ALS2CL: variants seen among roughly 807,000 people sequenced by gnomAD.
ALS2CL encodes the protein ALS2 C-terminal like, also known as ALS2 C-terminal-like protein.
Under a neutral mutation model 127.9 loss-of-function variants are expected in ALS2CL, and 112 were observed. That is an observed-to-expected ratio of 0.88 (90% CI 0.75 to 1.02). ALS2CL has a LOEUF of 1.02. Among genes scored for constraint, ALS2CL ranks in the 50% least tolerant of loss-of-function variants. The pLI is 0.00. For missense variants in ALS2CL, 1,174 were observed against 1,236.7 expected (o/e 0.95, Z 0.76); for synonymous variants, 519 against 527.6 (o/e 0.98, Z 0.22).
At chr3:46,685,448 C>T (rs572586660) in intron 7 of ALS2CL, 77 bp downstream of exon 7, 1 of 1,577,490 alleles carries the variant, frequency 6.3e-7, no homozygotes, top group South Asian at 1.1e-5. Context: ...AGCAGCATGC[C>T]CCTTTACTGC....
intron 22 of ALS2CL, among the ~76,000 whole-genome samples, chr3:46,672,405 A>G (rs1698477035): frequency 6.6e-6 from 1 of 152,188 alleles, no homozygotes; most frequent in African/African-American, 2.4e-5. Context: ...AACGGGGTGA[A>G]TAGTCTCCAT....
intron 15 of ALS2CL, 87 bp downstream of exon 15, chr3:46,679,123 G>T (rs768291143): frequency 1.6e-5 from 22 of 1,372,188 alleles, no homozygotes; most frequent in Non-Finnish European, 2.2e-5. Flanking sequence ...TCCCCTACCT[G>T]CCCCCAGCCC....
chr3:46,675,850 G>A, intron 19 of ALS2CL, 164 bp from the exon 20 acceptor site: 1 of 1,458,132 alleles, frequency 6.9e-7, no homozygotes, highest in South Asian at 1.4e-5. Flanking sequence ...GGAGCTCCAG[G>A]ATGTTAGCCT....
At position 46,676,713 on chromosome 3, in the gene ALS2CL, T is replaced by C. The variant is rs1208599009; in HGVS notation, c.1957A>G (p.Ser653Gly). 1 of 1,613,616 alleles carries C rather than the reference T, an allele frequency of 6.2e-7. No individual in the cohort carries two copies. Among genetic ancestry groups the C allele is most frequent in the East Asian group, 2.2e-5 (1 of 44,862 alleles). ...AGCTCCTCCAGGATGTCTTCCATACTGCCCACACTGTCCTCAGGGTGGGTC... is the reference window on the plus strand; with the variant it reads ...AGCTCCTCCAGGATGTCTTCCATACCGCCCACACTGTCCTCAGGGTGGGTC... ...ERTHPEDSVG[S>G]MEDILEELLQ... The change falls in exon 18 of 26, where the codon AGT becomes GGT. Residue 653 changes from serine (S) to glycine (G), a missense_variant. Transcript: ENST00000318962.
At chr3:46,679,692 C>A in intron 14 of ALS2CL, 1 of 160,452 alleles carries the variant, frequency 6.2e-6, no homozygotes. Context: ...GAAAGGGTTA[C>A]AATTAGTGTT....
At chr3:46,683,367 T>A (rs539220449) in intron 9 of ALS2CL, 41 bp from the exon 10 acceptor site, 5 of 1,546,640 alleles carry the variant, frequency 3.2e-6, no homozygotes, top group Non-Finnish European at 4.4e-6. Context: ...TCACTGCTGC[T>A]GGAGGCTTTC....
At chr3:46,678,151 G>A in intron 16 of ALS2CL, 108 bp downstream of exon 16, 2 of 1,255,362 alleles carry the variant, frequency 1.6e-6, no homozygotes, top group Non-Finnish European at 2.1e-6. Context: ...TCTCTAGAGG[G>A]CTAAGAGGTG....
At chr3:46,676,116 G>A in intron 19 of ALS2CL, 129 bp downstream of exon 19, 3 of 1,447,264 alleles carry the variant, frequency 2.1e-6, no homozygotes, top group Non-Finnish European at 2.8e-6. Context: ...GCTGCACACT[G>A]ACCAAGCCTC....
At chr3:46,675,328 G>C (rs536207793) in intron 20 of ALS2CL, 4 of 392,682 alleles carry the variant, frequency 1.0e-5, no homozygotes, top group East Asian at 4.8e-5. Flanking sequence ...GGGAGAGGAG[G>C]GTGCCTCGGG....
chr3:46,680,189 T>C, intron 14 of ALS2CL: 3 of 537,078 alleles, frequency 5.6e-6, no homozygotes, highest in Non-Finnish European at 1.0e-5. Flanking sequence ...ATTGAGTCTA[T>C]GGTAAGTATT....
chr3:46,678,298 G>A lies in ALS2CL; in HGVS notation c.1718C>T (p.Thr573Met), dbSNP rs757762540. Residue 573 changes from threonine (T) to methionine (M), a missense_variant, in exon 16 of 26, where the codon ACG becomes ATG. By Grantham distance (81) the Thr-to-Met change is moderately conservative. Transcript: ENST00000318962. ...GCTCGGGTCTGGTGGGAGGGCAGCC[G>A]TGTCCAGCACACCCTGTGTGTGCAG... The part of the protein sequence containing the change: ...RGLHTQGVLD[T>M]AALPPDPSST... 65 of 1,606,832 alleles carry A rather than the reference G, an allele frequency of 4.0e-5. 1 individual carries two copies. The South Asian group carries it at 6.1e-4, about 15-fold the overall frequency.
rs200493867 is a variant in ALS2CL at position 46,676,701 on chromosome 3, T to A, written c.1969A>T (p.Ile657Phe). The A allele has an allele frequency of 5.6e-6, 9 of 1,613,402 alleles. No individual in the cohort carries two copies. Among genetic ancestry groups the A allele is most frequent in the Non-Finnish European group, 7.6e-6 (9 of 1,179,962 alleles). ...PEDSVGSMED[I>F]LEELLQHREP... ...CGGTGCTGCAGCAGCTCCTCCAGGA[T>A]GTCTTCCATACTGCCCACACTGTCC... The change falls in exon 18 of 26, where the codon ATC (isoleucine) becomes TTC (phenylalanine). Residue 657 changes from isoleucine (I) to phenylalanine (F), a missense_variant. Ile to Phe is a conservative substitution (Grantham distance 21). Coordinates refer to ENST00000318962, the MANE Select transcript of ALS2CL (RefSeq NM_147129.5).
intron 2 of ALS2CL, among the ~76,000 whole-genome samples, chr3:46,688,593 T>C (rs1194802137): frequency 6.6e-6 from 1 of 152,174 alleles, no homozygotes; most frequent in Non-Finnish European, 1.5e-5. Flanking sequence ...CATACACGAA[T>C]TCCCCCCTGG....
intron 18 of ALS2CL, 103 bp downstream of exon 18, chr3:46,676,539 G>A: frequency 3.9e-6 from 6 of 1,532,520 alleles, no homozygotes; most frequent in East Asian, 2.3e-5. Flanking sequence ...GGATCCACAG[G>A]CCTGTCCCCT....
intron 14 of ALS2CL, 150 bp downstream of exon 14, chr3:46,680,280 C>T: frequency 2.5e-6 from 2 of 788,984 alleles, no homozygotes; most frequent in Non-Finnish European, 4.0e-6. Context: ...GGTGGTAGAG[C>T]TGGCTTCCTG....
chr3:46,676,446 T>C (rs1698828214), intron 18 of ALS2CL, 44 bp from the exon 19 acceptor site: 2 of 1,609,342 alleles, frequency 1.2e-6, no homozygotes, highest in East Asian at 2.2e-5. Context: ...AGCACTGGGG[T>C]CTGGAGCACA....
In ALS2CL at chr3:46,672,157, C is replaced by G. The variant is rs1698452273; in HGVS notation, c.2517G>C (p.Glu839Asp). The change falls in exon 23 of 26, where the codon GAG (glutamate) becomes GAC (aspartate). Residue 839 changes from glutamate (E) to aspartate (D), a missense_variant. Coordinates refer to ENST00000318962, the MANE Select transcript of ALS2CL (RefSeq NM_147129.5). ...ACACTCACATGATCTTCTGCAGGCA[C>G]TCGGTGGCTGACAGGAAACACTTGT... ...VRDKCFLSAT[E>D]CLQKIMTTVD... The G allele has an allele frequency of 1.2e-6, 2 of 1,614,024 alleles. No individual in the cohort carries two copies. Among genetic ancestry groups the G allele is most frequent in the South Asian group, 1.1e-5 (1 of 91,084 alleles).
chr3:46,676,793 C>T, intron 17 of ALS2CL, 55 bp from the exon 18 acceptor site: 1 of 1,607,546 alleles, frequency 6.2e-7, no homozygotes, highest in Non-Finnish European at 8.5e-7. Context: ...CCCCTCCCCC[C>T]AGGAAGCCCT....
At chr3:46,673,224 C>A (rs900447680) in intron 22 of ALS2CL, 115 bp downstream of exon 22, 5 of 813,048 alleles carry the variant, frequency 6.1e-6, no homozygotes, top group Admixed American at 2.9e-5. Flanking sequence ...CCAACCCACC[C>A]TGCCCCTCCC....
Sources: gnomAD v4.1 joint callset for allele counts (sites outside exome capture counted in the v4.1 genomes callset) on GRCh38, gnomAD v4.1.1 for gene constraint, MANE v1.5 for transcripts, NCBI Gene and HGNC (gene_info 2026-07-23, HGNC 2026-07-21) for gene names.